ZNF804B: variants seen among roughly 807,000 people sequenced by gnomAD.
ZNF804B encodes the protein zinc finger 804B.
ZNF804B carries 80 observed loss-of-function variants against 101.4 expected under a neutral mutation model. The ratio of observed to expected loss-of-function variants is 0.79; its 90% CI spans 0.66 to 0.95. ZNF804B has a LOEUF of 0.95. Ranked by LOEUF, ZNF804B falls within the 40% of genes least tolerant of loss-of-function variation. The pLI is 0.00. For missense variants in ZNF804B, 1,673 were observed against 1,561.9 expected (o/e 1.07, Z -1.20); for synonymous variants, 622 against 558.8 (o/e 1.11, Z -1.59).
intron 1 of ZNF804B, among the ~76,000 whole-genome samples, chr7:89,051,336 T>C (rs182099491): frequency 6.6e-6 from 1 of 152,296 alleles, no homozygotes; most frequent in Admixed American, 6.5e-5. Context: ...AACCATTTAC[T>C]TTCAATGGCC....
At chr7:88,824,476 CCT>C (rs1353131786) in intron 1 of ZNF804B, among the ~76,000 whole-genome samples, 2 of 152,160 alleles carry the variant, frequency 1.3e-5, no homozygotes, top group African/African-American at 4.8e-5. Context: ...GTCAATTAAA[CCT>C]CTTTCTTTTG....
chr7:88,825,956 GA>G (rs1791045543), intron 1 of ZNF804B, among the ~76,000 whole-genome samples: 1 of 152,016 alleles, frequency 6.6e-6, no homozygotes, highest in African/African-American at 2.4e-5. Context: ...TCCTTTTTGT[GA>G]AGTCAGTTTT....
chr7:89,337,206 A>C lies in ZNF804B; in HGVS notation c.*174A>C. 1.3e-6 allele frequency: 1 copy of C among 742,254 alleles called. No homozygotes were observed. Among genetic ancestry groups the C allele is most frequent in the South Asian group, 2.6e-5 (1 of 38,180 alleles). 46.0% of individuals were successfully genotyped at this position (742,254 alleles called of 1,614,324 possible). ...ATACTAAAACAAGAGCATTTTAATA[A>C]TTTTTTAGCTTGCCAAAATAATAGG... On this transcript the variant is annotated 3_prime_UTR_variant, in exon 4 of 4. Coordinates refer to ENST00000333190, the MANE Select transcript of ZNF804B (RefSeq NM_181646.5).
chr7:89,317,587 G>A (rs1411315327), intron 2 of ZNF804B, among the ~76,000 whole-genome samples: 1 of 152,228 alleles, frequency 6.6e-6, no homozygotes, highest in Non-Finnish European at 1.5e-5. Flanking sequence ...CAGATGGAGT[G>A]ATAAAGAAAC....
At chr7:88,804,886 A>G (rs1401189144) in intron 1 of ZNF804B, among the ~76,000 whole-genome samples, 5 of 152,282 alleles carry the variant, frequency 3.3e-5, no homozygotes, top group Admixed American at 2.6e-4. Context: ...AATTAAGAAA[A>G]CCATGGCAAA....
At chr7:88,857,675 A>G (rs957232876) in intron 1 of ZNF804B, among the ~76,000 whole-genome samples, 10 of 152,208 alleles carry the variant, frequency 6.6e-5, no homozygotes, top group African/African-American at 2.4e-4. Flanking sequence ...GCCTCATTCT[A>G]CCAGAGGTAC....
intron 1 of ZNF804B, among the ~76,000 whole-genome samples, chr7:88,933,665 T>G (rs1792924132): frequency 6.6e-6 from 1 of 151,870 alleles, no homozygotes; most frequent in African/African-American, 2.4e-5. Flanking sequence ...TATCAAATCA[T>G]GAACTCAATC....
At chr7:89,215,996 A>G (rs1338351129) in intron 1 of ZNF804B, among the ~76,000 whole-genome samples, 1 of 152,078 alleles carries the variant, frequency 6.6e-6, no homozygotes, top group Non-Finnish European at 1.5e-5. Context: ...CTAAGAAAGG[A>G]CATGAAAAAT....
chr7:89,285,749 G>C (rs965426531), intron 2 of ZNF804B, among the ~76,000 whole-genome samples: 2 of 141,238 alleles, frequency 1.4e-5, no homozygotes, highest in Non-Finnish European at 2.9e-5. Flanking sequence ...CTGTGCAAAT[G>C]CAGTTGGGTT....
intron 2 of ZNF804B, among the ~76,000 whole-genome samples, chr7:89,256,993 A>G (rs1480926710): frequency 6.6e-6 from 1 of 152,204 alleles, no homozygotes; most frequent in East Asian, 1.9e-4. Context: ...TAAAAAAGAG[A>G]ACATGTATAT....
At chr7:88,955,347 C>A (rs1441427763) in intron 1 of ZNF804B, among the ~76,000 whole-genome samples, 1 of 151,442 alleles carries the variant, frequency 6.6e-6, no homozygotes, top group Non-Finnish European at 1.5e-5. Context: ...ACATGAGAGG[C>A]TTTAATGTCT....
intron 2 of ZNF804B, among the ~76,000 whole-genome samples, chr7:89,291,887 A>G (rs1584108508): frequency 6.6e-6 from 1 of 152,166 alleles, no homozygotes; most frequent in African/African-American, 2.4e-5. Flanking sequence ...AAGCAGCAAG[A>G]GAAAAGAAAC....
At chr7:89,094,679 T>C (rs1310400222) in intron 1 of ZNF804B, among the ~76,000 whole-genome samples, 2 of 152,074 alleles carry the variant, frequency 1.3e-5, no homozygotes, top group Non-Finnish European at 2.9e-5. Flanking sequence ...TATACATTTT[T>C]TTTTCAGTTT....
intron 1 of ZNF804B, among the ~76,000 whole-genome samples, chr7:88,965,119 A>C (rs1393031435): frequency 6.6e-6 from 1 of 151,456 alleles, no homozygotes; most frequent in Non-Finnish European, 1.5e-5. Flanking sequence ...AAAACTAATA[A>C]AGATAATTTT....
At chr7:89,027,293 A>G (rs1041864137) in intron 1 of ZNF804B, among the ~76,000 whole-genome samples, 2 of 152,172 alleles carry the variant, frequency 1.3e-5, no homozygotes, top group Non-Finnish European at 2.9e-5. Flanking sequence ...TACAGGGAAT[A>G]AAAATAAGAG....
At chr7:89,215,835 GA>G (rs1788884999) in intron 1 of ZNF804B, among the ~76,000 whole-genome samples, 1 of 151,310 alleles carries the variant, frequency 6.6e-6, no homozygotes, top group Admixed American at 6.6e-5. Flanking sequence ...AGTCAGCCGA[GA>G]TCACGCCACT....
chr7:88,819,592 A>C (rs988438019), intron 1 of ZNF804B, among the ~76,000 whole-genome samples: 8 of 152,162 alleles, frequency 5.3e-5, no homozygotes, highest in Non-Finnish European at 1.2e-4. Context: ...TTTCCTGCTT[A>C]CTGACTTGTC....
At chr7:89,304,191 T>A (rs145022409) in intron 2 of ZNF804B, among the ~76,000 whole-genome samples, 2 of 152,080 alleles carry the variant, frequency 1.3e-5, no homozygotes, top group Non-Finnish European at 2.9e-5. Context: ...CATAGGATCA[T>A]TGTCTCCCAG....
At chr7:89,016,974 A>G (rs754680784) in intron 1 of ZNF804B, among the ~76,000 whole-genome samples, 3 of 152,050 alleles carry the variant, frequency 2.0e-5, no homozygotes, top group Non-Finnish European at 2.9e-5. Context: ...ATGAGCATGG[A>G]ATGTTCTTTC....
Sources: gnomAD v4.1 joint callset for allele counts (sites outside exome capture counted in the v4.1 genomes callset) on GRCh38, gnomAD v4.1.1 for gene constraint, MANE v1.5 for transcripts, NCBI Gene and HGNC (gene_info 2026-07-23, HGNC 2026-07-21) for gene names.